The following TRADD variants were observed in gnomAD, a reference collection of about 807,000 sequenced individuals.
The protein encoded by TRADD is TNFRSF1A associated via death domain.
A neutral mutation model predicts 31.5 loss-of-function variants in TRADD; 14 were observed. The ratio of observed to expected loss-of-function variants is 0.44; its 90% CI spans 0.29 to 0.69. The LOEUF (loss-of-function observed/expected upper bound fraction) is 0.69. Ranked by LOEUF, TRADD falls within the 30% of genes least tolerant of loss-of-function variation. TRADD has a pLI of 0.11. For missense variants in TRADD, 388 were observed against 435.7 expected, an observed-to-expected ratio of 0.89 and a Z score of 0.97; for synonymous variants, 220 against 215.8, an observed-to-expected ratio of 1.02 and a Z score of -0.17.
chr16:67,155,990 G>A, intron 2 of TRADD: 1 of 1,411,010 alleles, frequency 7.1e-7, no homozygotes, highest in Non-Finnish European at 9.4e-7. Context: ...CTGGGTAGGC[G>A]GCCAGCAGGG....
At position 67,156,745 on chromosome 16, in the gene TRADD, G is replaced by T; in HGVS notation, c.-8-77C>A. 3 of 1,590,194 alleles carry T rather than the reference G, an allele frequency of 1.9e-6. No homozygotes were observed. The highest frequency in any genetic ancestry group is 2.6e-6 in the Non-Finnish European group (3 of 1,167,680). On this transcript the variant is annotated intron_variant, in intron 1 of 4. Coordinates refer to ENST00000345057, the MANE Select transcript of TRADD (RefSeq NM_003789.4). The surrounding 1 kb of genome is among the most constrained non-coding windows in gnomAD (Gnocchi z 4.6). ...GGAGACAACTACCCAGCCCCACGTG[G>T]TTCAGCTGTCCCCACCACAGTAGCC...
At position 67,159,155 on chromosome 16, in the gene TRADD, C is replaced by T. The variant is rs1360128747; in HGVS notation, c.-9+683G>A. Among the ~76,000 whole-genome samples the T allele has an allele frequency of 2.6e-5, 4 of 152,240 alleles. No individual in the cohort carries two copies. The highest frequency in any genetic ancestry group is 5.9e-5 in the Non-Finnish European group (4 of 68,036). On this transcript the variant is annotated intron_variant, in intron 1 of 4. Coordinates refer to ENST00000345057, the MANE Select transcript of TRADD (RefSeq NM_003789.4). The surrounding 1 kb of genome is among the most constrained non-coding windows in gnomAD (Gnocchi z 6.8). ...ACGTGTTCTTTCACGGAAGCCCCTC[C>T]TTGGGAAGCCCCGCGCCCCACCCAC...
In TRADD at chr16:67,155,413, G is replaced by T; in HGVS notation, c.393C>A (p.Asp131Glu). 1 of 1,597,914 alleles carries T rather than the reference G, an allele frequency of 6.3e-7. No homozygotes were observed. Residue 131 changes from aspartate (D) to glutamate (E), a missense_variant, in exon 3 of 5, where the codon GAC becomes GAA. Physicochemically the swap from Asp to Glu is conservative, Grantham distance 45. Transcript: ENST00000345057. The part of the protein sequence containing the change: ...GAERLDALLA[D>E]EERCLSCILA... Reference sequence around the variant, plus strand: ...GGATGCAACTCAAACAGCGCTCCTCGTCCGCCAGCAAAGCGTCCAGCCGCT... The same window carrying T: ...GGATGCAACTCAAACAGCGCTCCTCTTCCGCCAGCAAAGCGTCCAGCCGCT...
Position 67,155,646 on chromosome 16 carries a change from C to T in TRADD, c.160G>A (p.Gly54Arg). 1 of 1,571,212 alleles carries T rather than the reference C, an allele frequency of 6.4e-7. No individual in the cohort carries two copies. The highest frequency in any genetic ancestry group is 8.6e-7 in the Non-Finnish European group (1 of 1,166,396). Residue 54 changes from glycine (G) to arginine (R), a missense_variant, in exon 3 of 5, where the codon GGG becomes AGG. Gly to Arg is a moderately radical substitution (Grantham distance 125). Transcript: ENST00000345057. ...ALQAALAESG[G>R]SPDVLQMLKI... ...AGCATCTGCAGCACGTCCGGGCTCC[C>T]GCCGCTCTCTGCGGAGGCGGGCGGT...
chr16:67,155,989 CG>C, intron 2 of TRADD: 2 of 1,412,612 alleles, frequency 1.4e-6, no homozygotes, highest in Non-Finnish European at 1.9e-6. Flanking sequence ...TCTGGGTAGG[CG>C]GCCAGCAGGG....
chr16:67,156,252 G>A lies in TRADD; in HGVS notation c.151+258C>T, dbSNP rs1201002765. On this transcript the variant is annotated intron_variant, in intron 2 of 4. Transcript: ENST00000345057. The surrounding 1 kb of genome is among the most constrained non-coding windows in gnomAD (Gnocchi z 4.6). ...AGACATCCACAATTAGTAGAAAGGA[G>A]TGAGCCGGCTGGTGGAGGGGGGCGG... The A allele has an allele frequency of 7.0e-6, 10 of 1,425,828 alleles. No homozygotes were observed. Among genetic ancestry groups the A allele is most frequent in the Non-Finnish European group, 8.4e-6 (9 of 1,066,644 alleles). The allele number at this position is 1,425,828 out of a possible 1,614,324, so 88.3% of individuals were successfully genotyped here.
chr16:67,155,648 C>T lies in TRADD; in HGVS notation c.158G>A (p.Gly53Asp). 1 of 1,571,120 alleles carries T rather than the reference C, an allele frequency of 6.4e-7. No homozygotes were observed. The highest frequency in any genetic ancestry group is 1.3e-5 in the African/African-American group (1 of 74,424). Reference protein sequence around the residue: ...RALQAALAESGGSPDVLQMLK... With the variant: ...RALQAALAESDGSPDVLQMLK... ...CATCTGCAGCACGTCCGGGCTCCCG[C>T]CGCTCTCTGCGGAGGCGGGCGGTCA... Residue 53 changes from glycine (G) to aspartate (D), a missense_variant, in exon 3 of 5, where the codon GGC becomes GAC. By Grantham distance (94) the Gly-to-Asp change is moderately conservative. Coordinates refer to ENST00000345057, the MANE Select transcript of TRADD (RefSeq NM_003789.4).
At chr16:67,157,062 G>GC (rs1238813466) in intron 1 of TRADD, among the ~76,000 whole-genome samples, 2 of 152,208 alleles carry the variant, frequency 1.3e-5, no homozygotes, top group African/African-American at 4.8e-5. Context: ...TGGTGCCCAT[G>GC]CCCCAAAGCC....
chr16:67,156,769 C>T lies in TRADD; in HGVS notation c.-8-101G>A. 1 of 1,477,428 alleles carries T rather than the reference C, an allele frequency of 6.8e-7. No individual in the cohort carries two copies. The highest frequency in any genetic ancestry group is 1.1e-5 in the South Asian group (1 of 88,296). The allele number at this position is 1,477,428 out of a possible 1,614,324, so 91.5% of individuals were successfully genotyped here. A position where few individuals can be genotyped will look rare whatever the true frequency, so the allele number is the denominator to read the frequency against. On this transcript the variant is annotated intron_variant, in intron 1 of 4. Coordinates refer to ENST00000345057, the MANE Select transcript of TRADD (RefSeq NM_003789.4). This position sits in a 1 kb window ranked among gnomAD's most constrained non-coding sequence, Gnocchi z 4.6. Reference sequence around the variant, plus strand: ...GGTTCAGCTGTCCCCACCACAGTAGCCTCAAGTCCCACATGGTTCAGTTGT... The same window carrying T: ...GGTTCAGCTGTCCCCACCACAGTAGTCTCAAGTCCCACATGGTTCAGTTGT...
rs372931256 is a variant in TRADD at position 67,155,443 on chromosome 16, G to A, written c.363C>T (p.Gly121=). 1.2e-4 allele frequency: 184 copies of A among 1,595,606 alleles called. 2 individuals carry two copies. Among genetic ancestry groups the A allele is most frequent in the South Asian group, 1.3e-4 (12 of 90,582 alleles). ...CCAGCAAAGCGTCCAGCCGCTCGGCGCCGGCGCGCAGCTCCAGTTGCAGCG... is the reference window on the plus strand; with the variant it reads ...CCAGCAAAGCGTCCAGCCGCTCGGCACCGGCGCGCAGCTCCAGTTGCAGCG... The part of the protein sequence containing the change: ...SVPLQLELRA[G]AERLDALLAD... The change falls in exon 3 of 5, where the codon GGC becomes GGT. Residue 121 remains glycine, a synonymous_variant. Transcript: ENST00000345057.
chr16:67,154,211 C>G lies in TRADD; in HGVS notation c.*438G>C. The stretch of plus-strand genomic sequence containing the variant: ...TTCTCACATCAAAATCCGTGTTATA[C>G]TTTATTATCATTGCTTAACATTCGG... On this transcript the variant is annotated 3_prime_UTR_variant, in exon 5 of 5. Transcript: ENST00000345057. The surrounding 1 kb of genome is among the most constrained non-coding windows in gnomAD (Gnocchi z 5.2). 4.1e-6 allele frequency: 1 copy of G among 246,700 alleles called. No individual in the cohort carries two copies. Among genetic ancestry groups the G allele is most frequent in the South Asian group, 5.0e-5 (1 of 19,834 alleles). The allele number at this position is 246,700 out of a possible 1,614,324, so 15.3% of individuals were successfully genotyped here. A position where few individuals can be genotyped will look rare whatever the true frequency, so the allele number is the denominator to read the frequency against.
Position 67,154,753 on chromosome 16 carries a change from G to T in TRADD, c.835C>A (p.Arg279Ser), listed in dbSNP as rs375244176. The change falls in exon 5 of 5, where the codon CGC becomes AGC. Residue 279 changes from arginine (R) to serine (S), a missense_variant. Transcript: ENST00000345057. This position sits in a 1 kb window ranked among gnomAD's most constrained non-coding sequence, Gnocchi z 5.2. ...LRRFVQAEGR[R>S]ATLQRLVEAL... ...TCCACCAGGCGCTGCAGCGTGGCGCGGCGGCCCTCGGCCTGCACGAAGCGC... is the reference window on the plus strand; with the variant it reads ...TCCACCAGGCGCTGCAGCGTGGCGCTGCGGCCCTCGGCCTGCACGAAGCGC... 1 of 1,607,456 alleles carries T rather than the reference G, an allele frequency of 6.2e-7. No homozygotes were observed. Among genetic ancestry groups the T allele is most frequent in the Non-Finnish European group, 8.5e-7 (1 of 1,177,570 alleles).
chr16:67,156,598 G>C lies in TRADD; in HGVS notation c.63C>G (p.Ser21=), dbSNP rs1219219921. 5 of 1,613,968 alleles carry C rather than the reference G, an allele frequency of 3.1e-6. No individual in the cohort carries two copies. The highest frequency in any genetic ancestry group is 2.2e-5 in the East Asian group (1 of 44,884). Residue 21 remains serine (S), a synonymous_variant, in exon 2 of 5, where the codon TCC becomes TCG. Coordinates refer to ENST00000345057, the MANE Select transcript of TRADD (RefSeq NM_003789.4). The surrounding 1 kb of genome is among the most constrained non-coding windows in gnomAD (Gnocchi z 4.6). The stretch of plus-strand genomic sequence containing the variant: ...CCGACAGGACCACCTTGTCCAGCGA[G>C]GACTCCACAAACAGGTATGCGCTGC... The part of the protein sequence containing the change: ...WVGSAYLFVE[S]SLDKVVLSDA...
rs1451104497 is a variant in TRADD, at chr16:67,156,398, C to T, written c.151+112G>A. 1.2e-5 allele frequency: 19 copies of T among 1,520,600 alleles called. No individual in the cohort carries two copies. Among genetic ancestry groups the T allele is most frequent in the Non-Finnish European group, 1.6e-5 (18 of 1,117,382 alleles). 94.2% of individuals were successfully genotyped at this position (1,520,600 alleles called of 1,614,324 possible). A position where few individuals can be genotyped will look rare whatever the true frequency, so the allele number is the denominator to read the frequency against. On this transcript the variant is annotated intron_variant, in intron 2 of 4. Coordinates refer to ENST00000345057, the MANE Select transcript of TRADD (RefSeq NM_003789.4). The surrounding 1 kb of genome is among the most constrained non-coding windows in gnomAD (Gnocchi z 4.6). ...AGAGTCTGCACAGCCAGGGGTCCTCCGTCTTGCTCCTCCCACCCCAAATCT... is the reference window on the plus strand; with the variant it reads ...AGAGTCTGCACAGCCAGGGGTCCTCTGTCTTGCTCCTCCCACCCCAAATCT...
intron 1 of TRADD, among the ~76,000 whole-genome samples, chr16:67,157,819 C>T (rs371244028): frequency 6.6e-6 from 1 of 152,164 alleles, no homozygotes; most frequent in South Asian, 2.1e-4. Flanking sequence ...GCCAAGGAAC[C>T]ACTGCACTGA....
In TRADD at chr16:67,155,956, GTGTGCCC is replaced by G. The variant is rs770752168; in HGVS notation, c.152-309_152-303del. On this transcript the variant is annotated intron_variant, in intron 2 of 4. Coordinates refer to ENST00000345057, the MANE Select transcript of TRADD (RefSeq NM_003789.4). ...GACTTCGAAGCACAGAAAAGGGGGC[GTGTGCCC>G]TGGGCAAACAAGCCGTCTGGGTAGG... The G allele has an allele frequency of 2.4e-4, 347 of 1,462,340 alleles. 1 individual carries two copies. The highest frequency in any genetic ancestry group is 6.6e-4 in the Admixed American group (32 of 48,596). 90.6% of individuals were successfully genotyped at this position (1,462,340 alleles called of 1,614,324 possible). A position where few individuals can be genotyped will look rare whatever the true frequency, so the allele number is the denominator to read the frequency against.
chr16:67,158,421 T>C (rs765813187), intron 1 of TRADD, among the ~76,000 whole-genome samples: 9 of 152,138 alleles, frequency 5.9e-5, no homozygotes, highest in Non-Finnish European at 1.2e-4. Context: ...CCACCTCAGC[T>C]TCCCAAAGTG....
intron 2 of TRADD, chr16:67,155,977 C>T (rs766961375): frequency 7.7e-6 from 11 of 1,430,084 alleles, no homozygotes; most frequent in East Asian, 3.2e-5. Context: ...GCAAACAAGC[C>T]GTCTGGGTAG....
rs1276403729 is a variant in TRADD, at chr16:67,156,112, C to T, written c.151+398G>A. 7.4e-7 allele frequency: 1 copy of T among 1,349,330 alleles called. No individual in the cohort carries two copies. Among genetic ancestry groups the T allele is most frequent in the Non-Finnish European group, 9.7e-7 (1 of 1,029,096 alleles). 83.6% of individuals were successfully genotyped at this position (1,349,330 alleles called of 1,614,324 possible). A position where few individuals can be genotyped will look rare whatever the true frequency, so the allele number is the denominator to read the frequency against. ...GAGGCCACGAACAGATCCCCCAACCCGCTTCAGCCTCCTGTGGCCTCTGCC... is the reference window on the plus strand; with the variant it reads ...GAGGCCACGAACAGATCCCCCAACCTGCTTCAGCCTCCTGTGGCCTCTGCC... On this transcript the variant is annotated intron_variant, in intron 2 of 4. Transcript: ENST00000345057. The surrounding 1 kb of genome is among the most constrained non-coding windows in gnomAD (Gnocchi z 4.6).
Sources: gnomAD v4.1 joint callset for allele counts (sites outside exome capture counted in the v4.1 genomes callset) on GRCh38, gnomAD v4.1.1 for gene constraint, Gnocchi (gnomAD v3.1) non-coding constraint, MANE v1.5 for transcripts, NCBI Gene and HGNC (gene_info 2026-07-23, HGNC 2026-07-21) for gene names.